Variants in NDE1 observed in about 807,000 individuals in gnomAD.
NDE1 encodes the protein nudE neurodevelopment protein 1.
In NDE1, 28 loss-of-function variants were observed where a neutral mutation model predicts 43.4. The ratio of observed to expected loss-of-function variants is 0.65; its 90% CI spans 0.48 to 0.89. The LOEUF is 0.89. Ranked by LOEUF, NDE1 falls within the 40% of genes least tolerant of loss-of-function variation. NDE1 has a pLI of 0.00. For synonymous variants in NDE1, 184 were observed against 172.0 expected (o/e 1.07, Z -0.55); for missense variants, 441 against 434.1 (o/e 1.02, Z -0.14).
rs555570720 is a variant in NDE1, at chr16:15,694,064, G to A, written c.704-101G>A. ...TAGCTTTTGGGATCCGAGGAAAGGCGTCAGTGTCCCTCCTGTCCCGTGGTT... is the reference window on the plus strand; with the variant it reads ...TAGCTTTTGGGATCCGAGGAAAGGCATCAGTGTCCCTCCTGTCCCGTGGTT... On this transcript the variant is annotated intron_variant, in intron 6 of 8. Coordinates refer to ENST00000396354, the MANE Select transcript of NDE1 (RefSeq NM_017668.3). 1.2e-5 allele frequency: 17 copies of A among 1,365,164 alleles called. No homozygotes were observed. In the African/African-American group the frequency reaches 1.4e-4, roughly 12 times the overall value. 84.6% of individuals were successfully genotyped at this position (1,365,164 alleles called of 1,614,324 possible).
At chr16:15,692,357 G>A (rs1483274291) in intron 6 of NDE1, among the ~76,000 whole-genome samples, 1 of 152,216 alleles carries the variant, frequency 6.6e-6, no homozygotes, top group Non-Finnish European at 1.5e-5. Context: ...CCCTTAGCTT[G>A]TCCCCTGGGC....
chr16:15,691,598 G>T (rs1183868761), intron 6 of NDE1, among the ~76,000 whole-genome samples: 3 of 151,646 alleles, frequency 2.0e-5, no homozygotes, highest in Non-Finnish European at 4.4e-5. Context: ...CCCTTCATCT[G>T]CAGCTTTTTC....
intron 1 of NDE1, among the ~76,000 whole-genome samples, chr16:15,663,831 C>T (rs2037170192): frequency 6.6e-6 from 1 of 151,570 alleles, no homozygotes; most frequent in Non-Finnish European, 1.5e-5. Flanking sequence ...CTTTGGGAGG[C>T]TGAGGTGGGT....
chr16:15,716,310 A>G (rs2040132674), intron 8 of NDE1, among the ~76,000 whole-genome samples: 1 of 152,142 alleles, frequency 6.6e-6, no homozygotes, highest in South Asian at 2.1e-4. Flanking sequence ...TGAATATATG[A>G]ATAGCCCTTG....
intron 3 of NDE1, among the ~76,000 whole-genome samples, 175 bp from the exon 4 acceptor site, chr16:15,677,626 C>A (rs2037952459): frequency 6.6e-6 from 1 of 151,568 alleles, no homozygotes; most frequent in African/African-American, 2.4e-5. Flanking sequence ...CTGTGTTGCC[C>A]AGGCTGGAGT....
At chr16:15,664,680 A>AG (rs1289028965) in intron 1 of NDE1, 56 bp from the exon 2 acceptor site, 3 of 964,648 alleles carry the variant, frequency 3.1e-6, no homozygotes, top group African/African-American at 3.3e-5. Context: ...TTTCTGTTAA[A>AG]GGGGATCAGC....
rs1177615503 is a variant in NDE1, at chr16:15,667,627, G to GTTTTTTTTTTTTTT, written c.237+192_237+193insTTTTTTTTTTTTTT. On this transcript the variant is annotated intron_variant, in intron 3 of 8. Coordinates refer to ENST00000396354, the MANE Select transcript of NDE1 (RefSeq NM_017668.3). ...GTGCCTCTAGTGGGTGGTGCTTTTT[G>GTTTTTTTTTTTTTT]TTTTGTTTTTTTTTTTTTTTTGAGA... Among the ~76,000 whole-genome samples, 2 of 113,124 alleles carry GTTTTTTTTTTTTTT rather than the reference G, an allele frequency of 1.8e-5. 1 individual carries two copies. The highest frequency in any genetic ancestry group is 7.2e-5 in the African/African-American group (2 of 27,668). The allele number at this position is 113,124 out of a possible 152,430, so 74.2% of individuals were successfully genotyped here.
chr16:15,716,984 A>T (rs2040185956), intron 8 of NDE1, among the ~76,000 whole-genome samples: 1 of 152,212 alleles, frequency 6.6e-6, no homozygotes, highest in Non-Finnish European at 1.5e-5. Context: ...TGCTGTGTTT[A>T]CGTTCAGTTC....
rs1468559687 is a variant in NDE1, at chr16:15,724,342, T to C, written c.*91T>C. 3.1e-6 allele frequency: 5 copies of C among 1,614,176 alleles called. No individual in the cohort carries two copies. In the South Asian group the frequency reaches 3.3e-5, roughly 11 times the overall value. ...GTTCTCGATCTCCTTCTGGAACCTC[T>C]TCTTCCCCTCTTCCAGAGCTTCCAC... On this transcript the variant is annotated 3_prime_UTR_variant, in exon 9 of 9. Coordinates refer to ENST00000396354, the MANE Select transcript of NDE1 (RefSeq NM_017668.3).
At chr16:15,645,494 T>G (rs1390990556), upstream of NDE1, among the ~76,000 whole-genome samples, 1 of 152,072 alleles carries the variant, frequency 6.6e-6, no homozygotes, top group Non-Finnish European at 1.5e-5. Context: ...AACAAAACAG[T>G]CGTATTAAGT....
intron 6 of NDE1, 138 bp from the exon 7 acceptor site, chr16:15,694,027 A>G: frequency 9.6e-7 from 1 of 1,041,742 alleles, no homozygotes; most frequent in Non-Finnish European, 1.4e-6. Context: ...TTAACTACGG[A>G]AAGAAATAGG....
At chr16:15,681,737 G>A (rs1336846228) in intron 4 of NDE1, among the ~76,000 whole-genome samples, 1 of 152,178 alleles carries the variant, frequency 6.6e-6, no homozygotes, top group Non-Finnish European at 1.5e-5. Flanking sequence ...TTTTGAGTCA[G>A]AGTCTTGCCC....
intron 1 of NDE1, among the ~76,000 whole-genome samples, chr16:15,663,939 T>A (rs1415900573): frequency 2.0e-5 from 3 of 152,104 alleles, no homozygotes; most frequent in Non-Finnish European, 4.4e-5. Context: ...TGGTGGCGCA[T>A]GCCTGTAAAA....
At chr16:15,692,772 T>A (rs1280776347) in intron 6 of NDE1, among the ~76,000 whole-genome samples, 2 of 152,116 alleles carry the variant, frequency 1.3e-5, no homozygotes, top group African/African-American at 4.8e-5. Context: ...AGTCTTGGTC[T>A]GTGGCCCAGG....
chr16:15,664,657 G>GTT (rs372702195), intron 1 of NDE1, 79 bp from the exon 2 acceptor site: 4,924 of 712,548 alleles, frequency 6.9e-3, no homozygotes, highest in South Asian at 8.2e-3. Context: ...GCCTGGCCAA[G>GTT]TTTTTTTTTT....
intron 8 of NDE1, among the ~76,000 whole-genome samples, chr16:15,722,313 G>A (rs1305063773): frequency 6.6e-6 from 1 of 152,244 alleles, no homozygotes; most frequent in Non-Finnish European, 1.5e-5. Flanking sequence ...AAGAGCCTCA[G>A]TAGGGAAATG....
chr16:15,673,972 A>G (rs780127385), intron 3 of NDE1, among the ~76,000 whole-genome samples: 1 of 152,100 alleles, frequency 6.6e-6, no homozygotes, highest in East Asian at 1.9e-4. Flanking sequence ...GTCATTTGCT[A>G]CTGGTTGATT....
intron 8 of NDE1, chr16:15,717,503 G>T: frequency 1.4e-6 from 1 of 739,630 alleles, no homozygotes; most frequent in Non-Finnish European, 2.2e-6. Context: ...CCACTCAAGA[G>T]CTTCTTCCAG....
chr16:15,703,700 T>A, intron 8 of NDE1: 1 of 462,720 alleles, frequency 2.2e-6, no homozygotes, highest in Non-Finnish European at 4.0e-6. Flanking sequence ...GCGTTCTTCC[T>A]GGCTCAGCCT....
Sources: gnomAD v4.1 joint callset for allele counts (sites outside exome capture counted in the v4.1 genomes callset) on GRCh38, gnomAD v4.1.1 for gene constraint, MANE v1.5 for transcripts, NCBI Gene and HGNC (gene_info 2026-07-23, HGNC 2026-07-21) for gene names.